The following SLC24A2 variants were observed in gnomAD, a reference collection of about 807,000 sequenced individuals.
SLC24A2 encodes solute carrier family 24 member 2.
A neutral mutation model predicts 62.0 loss-of-function variants in SLC24A2; 36 were observed. The observed-to-expected ratio is 0.58, with a 90% CI of 0.44 to 0.77. The LOEUF is 0.77. Among genes scored for constraint, SLC24A2 ranks in the 30% least tolerant of loss-of-function variants. The probability of loss-of-function intolerance (pLI) is 0.00; values close to 1 mark genes in which losing one functional copy is unlikely to be tolerated. For missense variants in SLC24A2, 846 were observed against 817.9 expected, an observed-to-expected ratio of 1.03 and a Z score of -0.42; for synonymous variants, 358 against 294.0, an observed-to-expected ratio of 1.22 and a Z score of -2.23.
At chr9:19,999,249 A>G in the SLC24A2 span, among the ~76,000 whole-genome samples, 1 of 152,228 alleles carries the variant, frequency 6.6e-6, no homozygotes, top group Non-Finnish European at 1.5e-5. Flanking sequence ...GGCATTTATT[A>G]TCCATGTTCA....
At chr9:20,181,497 C>A in the SLC24A2 span, among the ~76,000 whole-genome samples, 784 of 152,314 alleles carry the variant, frequency 5.1e-3, 4 homozygotes, top group African/African-American at 0.017. Flanking sequence ...CTACAACCAT[C>A]TGATCTTTGA....
chr9:19,933,409 A>T, the SLC24A2 span, among the ~76,000 whole-genome samples: 5 of 152,212 alleles, frequency 3.3e-5, no homozygotes, highest in Admixed American at 3.3e-4. Context: ...CTCTTAATAA[A>T]GTATAAAATG....
chr9:19,758,285 G>C (rs960584100), intron 2 of SLC24A2, among the ~76,000 whole-genome samples: 1 of 152,156 alleles, frequency 6.6e-6, no homozygotes, highest in Non-Finnish European at 1.5e-5. Flanking sequence ...AATAGACATG[G>C]AGTCCAGGCT....
At chr9:19,826,802 G>A in the SLC24A2 span, among the ~76,000 whole-genome samples, 1 of 152,084 alleles carries the variant, frequency 6.6e-6, no homozygotes, top group African/African-American at 2.4e-5. Context: ...ATTTTTGGAG[G>A]GAATGCAAAC....
At chr9:19,663,047 C>T (rs1027932379) in intron 2 of SLC24A2, among the ~76,000 whole-genome samples, 36 of 152,324 alleles carry the variant, frequency 2.4e-4, no homozygotes, top group African/African-American at 7.0e-4. Context: ...AGCTAAGATA[C>T]GCTCTGCATT....
chr9:20,019,699 A>G, the SLC24A2 span, among the ~76,000 whole-genome samples: 1 of 152,222 alleles, frequency 6.6e-6, no homozygotes, highest in Non-Finnish European at 1.5e-5. Context: ...AGAAATGGCA[A>G]CAAAAGCCAA....
chr9:20,131,282 C>T, the SLC24A2 span, among the ~76,000 whole-genome samples: 792 of 152,206 alleles, frequency 5.2e-3, 7 homozygotes, highest in African/African-American at 0.018. Flanking sequence ...CCAGACAGGG[C>T]GCCCAGATTC....
the SLC24A2 span, among the ~76,000 whole-genome samples, chr9:20,160,400 ATAAG>A: frequency 1.3e-5 from 2 of 151,414 alleles, no homozygotes. Context: ...TGGACAAAAA[ATAAG>A]TAAGGTTATA....
the SLC24A2 span, among the ~76,000 whole-genome samples, chr9:19,935,655 G>A: frequency 6.6e-6 from 1 of 152,200 alleles, no homozygotes; most frequent in Non-Finnish European, 1.5e-5. Context: ...GAATGGCATA[G>A]GAGGGTAGGT....
Position 19,513,186 on chromosome 9 carries a change from A to ATATATATATATG in SLC24A2, c.*2966_*2967insCATATATATATA, listed in dbSNP as rs1832795483. On this transcript the variant is annotated 3_prime_UTR_variant, in exon 11 of 11. Transcript: ENST00000341998. ...TATATATATATATATGTATATATATATATATGTATATATTTATATATGTAT... is the reference window on the plus strand; with the variant it reads ...TATATATATATATATGTATATATATATATATATATATGTATATGTATATATTTATATATGTAT... 1 of 137,198 alleles carries ATATATATATATG rather than the reference A, an allele frequency of 7.3e-6. No individual in the cohort carries two copies. Among genetic ancestry groups the ATATATATATATG allele is most frequent in the Admixed American group, 7.3e-5 (1 of 13,646 alleles). The allele number at this position is 137,198 out of a possible 1,614,324, so 8.5% of individuals were successfully genotyped here.
the SLC24A2 span, among the ~76,000 whole-genome samples, chr9:19,977,668 T>A: frequency 6.6e-6 from 1 of 152,316 alleles, no homozygotes; most frequent in East Asian, 1.9e-4. Context: ...GGGATTTTCA[T>A]AGGGCAGAAA....
chr9:20,169,595 C>T, the SLC24A2 span, among the ~76,000 whole-genome samples: 1 of 151,946 alleles, frequency 6.6e-6, no homozygotes, highest in Non-Finnish European at 1.5e-5. Context: ...ATCACTGTAG[C>T]TTGGCTCCCA....
intron 2 of SLC24A2, among the ~76,000 whole-genome samples, chr9:19,757,919 G>C (rs1308188829): frequency 6.6e-6 from 1 of 152,062 alleles, no homozygotes; most frequent in Non-Finnish European, 1.5e-5. Context: ...AAGCCAGAAT[G>C]CTCCTTGGGT....
the SLC24A2 span, among the ~76,000 whole-genome samples, chr9:20,016,486 T>A: frequency 1.3e-5 from 2 of 152,230 alleles, no homozygotes; most frequent in Non-Finnish European, 2.9e-5. Flanking sequence ...TGATTTATGT[T>A]CCATTCACCC....
chr9:19,794,197 G>A, the SLC24A2 span, among the ~76,000 whole-genome samples: 12 of 152,266 alleles, frequency 7.9e-5, no homozygotes, highest in East Asian at 2.1e-3. Context: ...AGTGATGAAT[G>A]CCTATTATTT....
In SLC24A2 at chr9:19,642,671, C is replaced by CTTTTTTTTTTTTTTTTTTTT. The variant is rs71335440; in HGVS notation, c.931-20392_931-20373dup. Among the ~76,000 whole-genome samples the CTTTTTTTTTTTTTTTTTTTT allele has an allele frequency of 1.9e-4, 15 of 79,850 alleles. 7 individuals are homozygous for CTTTTTTTTTTTTTTTTTTTT. The highest frequency in any genetic ancestry group is 8.6e-4 in the South Asian group (2 of 2,328). The allele number at this position is 79,850 out of a possible 152,430, so 52.4% of individuals were successfully genotyped here. A position where few individuals can be genotyped will look rare whatever the true frequency, so the allele number is the denominator to read the frequency against. Reference sequence around the variant, plus strand: ...AGAATGGTTTATATGAGAGCGTATTCTTTTTTTTTTTTTTTTTTTTTTTTT... The same window carrying CTTTTTTTTTTTTTTTTTTTT: ...AGAATGGTTTATATGAGAGCGTATTCTTTTTTTTTTTTTTTTTTTTTTTTTTTTTTTTTTTTTTTTTTTTT... On this transcript the variant is annotated intron_variant, in intron 2 of 10. Transcript: ENST00000341998.
the SLC24A2 span, among the ~76,000 whole-genome samples, chr9:19,914,206 CT>C: frequency 5.4e-4 from 82 of 152,186 alleles, no homozygotes; most frequent in African/African-American, 1.9e-3. Flanking sequence ...ACACCTGCCA[CT>C]TGAGTGTTTC....
At chr9:19,985,279 G>A in the SLC24A2 span, among the ~76,000 whole-genome samples, 1 of 152,026 alleles carries the variant, frequency 6.6e-6, no homozygotes, top group East Asian at 1.9e-4. Flanking sequence ...CCATAAAAAG[G>A]CCTATTATGA....
At chr9:20,219,024 C>T in the SLC24A2 span, among the ~76,000 whole-genome samples, 1 of 152,062 alleles carries the variant, frequency 6.6e-6, no homozygotes, top group Non-Finnish European at 1.5e-5. Flanking sequence ...TGAGAAAGGA[C>T]AAGAATTAGG....
Sources: allele counts gnomAD v4.1 joint callset (sites outside exome capture counted in the v4.1 genomes callset), GRCh38; gene constraint gnomAD v4.1.1; transcripts MANE v1.5; gene names NCBI Gene and HGNC (gene_info 2026-07-23, HGNC 2026-07-21).